Variants in SLC44A1 observed in about 807,000 individuals in gnomAD.
The protein encoded by SLC44A1 is solute carrier family 44 member 1.
Under a neutral mutation model 79.3 loss-of-function variants are expected in SLC44A1, and 26 were observed. The ratio of observed to expected loss-of-function variants is 0.33; its 90% CI spans 0.24 to 0.46. SLC44A1 has a LOEUF of 0.46. Ranked by LOEUF, SLC44A1 falls within the 20% of genes least tolerant of loss-of-function variation. SLC44A1 has a pLI of 1.00. For missense variants in SLC44A1, 688 were observed against 798.1 expected (o/e 0.86, Z 1.66); for synonymous variants, 263 against 286.2 (o/e 0.92, Z 0.82).
At chr9:105,359,911 T>G (rs932233364) in intron 7 of SLC44A1, among the ~76,000 whole-genome samples, 1 of 152,212 alleles carries the variant, frequency 6.6e-6, no homozygotes, top group Non-Finnish European at 1.5e-5. Flanking sequence ...TTGATCTCAT[T>G]AACTCTTGAG....
chr9:105,303,122 G>A (rs1174912162), intron 2 of SLC44A1, among the ~76,000 whole-genome samples: 1 of 152,122 alleles, frequency 6.6e-6, no homozygotes, highest in Non-Finnish European at 1.5e-5. Flanking sequence ...CTCCTCCTGG[G>A]TTCTCAACCA....
chr9:105,410,823 A>C (rs372798209), intron 15 of SLC44A1, among the ~76,000 whole-genome samples: 17 of 152,358 alleles, frequency 1.1e-4, no homozygotes, highest in African/African-American at 4.1e-4. Flanking sequence ...AAAATGTTGT[A>C]TATCCATACA....
chr9:105,285,548 G>A (rs1830454536), intron 1 of SLC44A1, among the ~76,000 whole-genome samples: 1 of 152,216 alleles, frequency 6.6e-6, no homozygotes, highest in South Asian at 2.1e-4. Context: ...TCACCTGGGT[G>A]CAGGCGGGCT....
intron 12 of SLC44A1, among the ~76,000 whole-genome samples, chr9:105,371,081 A>G (rs1588842142): frequency 6.6e-6 from 1 of 152,226 alleles, no homozygotes; most frequent in African/African-American, 2.4e-5. Flanking sequence ...ACCTTTGTCA[A>G]TTAAATTGTT....
chr9:105,432,924 A>G (rs767111116), intron 15 of SLC44A1, among the ~76,000 whole-genome samples: 5 of 152,202 alleles, frequency 3.3e-5, no homozygotes, highest in Non-Finnish European at 7.3e-5. Flanking sequence ...AAAGAGAGAA[A>G]AGGCAAGCCA....
In SLC44A1 at chr9:105,395,758, T is replaced by C. The variant is rs554661978; in HGVS notation, c.*6702T>C. The C allele has an allele frequency of 1.5e-3, 1,442 of 984,930 alleles. 2 individuals are homozygous for C. Among genetic ancestry groups the C allele is most frequent in the Non-Finnish European group, 1.6e-3 (1,360 of 829,658 alleles). 61.0% of individuals were successfully genotyped at this position (984,930 alleles called of 1,614,324 possible). ...CGTTTCAGGAGCATGTGTTAAATCATATGAGTAAAAAAAAAGTAGACATTG... is the reference window on the plus strand; with the variant it reads ...CGTTTCAGGAGCATGTGTTAAATCACATGAGTAAAAAAAAAGTAGACATTG... On this transcript the variant is annotated 3_prime_UTR_variant, in exon 16 of 16. Coordinates refer to ENST00000374720, the MANE Select transcript of SLC44A1 (RefSeq NM_080546.5).
At chr9:105,275,437 A>AT (rs1564408711) in intron 1 of SLC44A1, among the ~76,000 whole-genome samples, 1 of 152,164 alleles carries the variant, frequency 6.6e-6, no homozygotes, top group Non-Finnish European at 1.5e-5. Context: ...CAGCTCTTGA[A>AT]TTTTGTTCAT....
intron 3 of SLC44A1, among the ~76,000 whole-genome samples, chr9:105,320,422 G>A (rs1826357300): frequency 6.6e-6 from 1 of 151,630 alleles, no homozygotes; most frequent in Admixed American, 6.6e-5. Context: ...CATGTGGTGA[G>A]GATGTTTAAC....
chr9:105,322,174 C>T (rs1355474968), intron 3 of SLC44A1, among the ~76,000 whole-genome samples: 2 of 152,174 alleles, frequency 1.3e-5, no homozygotes, highest in African/African-American at 2.4e-5. Context: ...TGACATAAAG[C>T]ACTAAATTAG....
intron 5 of SLC44A1, among the ~76,000 whole-genome samples, chr9:105,348,798 A>T (rs1364646137): frequency 3.3e-5 from 5 of 152,028 alleles, no homozygotes; most frequent in Non-Finnish European, 7.4e-5. Flanking sequence ...ACAATCTCCA[A>T]AGAGTTTTTT....
chr9:105,305,535 C>T (rs183554102), intron 2 of SLC44A1, among the ~76,000 whole-genome samples: 12 of 152,126 alleles, frequency 7.9e-5, no homozygotes, highest in Non-Finnish European at 1.6e-4. Context: ...ATTATGAGCT[C>T]GAGCCCAAGC....
chr9:105,296,834 C>T (rs141675206), intron 1 of SLC44A1, among the ~76,000 whole-genome samples: 4 of 152,262 alleles, frequency 2.6e-5, no homozygotes, highest in African/African-American at 7.2e-5. Context: ...AATTATTTTG[C>T]AGTTTTTCCT....
At chr9:105,284,227 T>TC (rs1419149336) in intron 1 of SLC44A1, among the ~76,000 whole-genome samples, 1 of 143,486 alleles carries the variant, frequency 7.0e-6, no homozygotes, top group East Asian at 2.0e-4. Flanking sequence ...ACAAATACAG[T>TC]CTTTTTTTTT....
Position 105,390,404 on chromosome 9 carries a change from T to G in SLC44A1, c.*1348T>G. ...ATATTTCAGAGCAAATTTTTTAAAC[T>G]TATTGCACTAAATACAGGCTCTGTA... On this transcript the variant is annotated 3_prime_UTR_variant, in exon 16 of 16. Transcript: ENST00000374720. 1.0e-6 allele frequency: 1 copy of G among 970,090 alleles called. No homozygotes were observed. Among genetic ancestry groups the G allele is most frequent in the Non-Finnish European group, 1.2e-6 (1 of 823,328 alleles). 60.1% of individuals were successfully genotyped at this position (970,090 alleles called of 1,614,324 possible). A position where few individuals can be genotyped will look rare whatever the true frequency, so the allele number is the denominator to read the frequency against.
At chr9:105,278,595 G>A (rs913173975) in intron 1 of SLC44A1, among the ~76,000 whole-genome samples, 1 of 151,950 alleles carries the variant, frequency 6.6e-6, no homozygotes, top group African/African-American at 2.4e-5. Context: ...TGGCCAGGCT[G>A]GTCTCGAACT....
At chr9:105,351,578 A>G (rs58455994) in intron 5 of SLC44A1, among the ~76,000 whole-genome samples, 5,252 of 116,232 alleles carry the variant, frequency 0.045, 381 homozygotes, top group African/African-American at 0.17. Flanking sequence ...GAAAGAGAGA[A>G]AGAGAGAAAG....
At chr9:105,428,989 C>T (rs574998872) in intron 15 of SLC44A1, among the ~76,000 whole-genome samples, 1 of 152,354 alleles carries the variant, frequency 6.6e-6, no homozygotes, top group Admixed American at 6.5e-5. Flanking sequence ...CAGGCATGAG[C>T]CACCACACCC....
chr9:105,437,497 C>A (rs960311408), intron 15 of SLC44A1, among the ~76,000 whole-genome samples: 4 of 151,946 alleles, frequency 2.6e-5, no homozygotes, highest in African/African-American at 9.7e-5. Context: ...TATACACACA[C>A]ATATCTATTA....
intron 9 of SLC44A1, among the ~76,000 whole-genome samples, chr9:105,363,300 C>G (rs946899305): frequency 6.6e-6 from 1 of 151,942 alleles, no homozygotes; most frequent in East Asian, 1.9e-4. Flanking sequence ...GTAGCTGGGA[C>G]TACAGGCACA....
Sources: gnomAD v4.1 joint callset for allele counts (sites outside exome capture counted in the v4.1 genomes callset) on GRCh38, gnomAD v4.1.1 for gene constraint, MANE v1.5 for transcripts, NCBI Gene and HGNC (gene_info 2026-07-23, HGNC 2026-07-21) for gene names.